The following CMTR2 variants were observed in gnomAD, a reference collection of about 807,000 sequenced individuals.
CMTR2 encodes cap-specific mRNA (nucleoside-2'-O-)-methyltransferase 2.
A neutral mutation model predicts 49.8 loss-of-function variants in CMTR2; 40 were observed. The ratio of observed to expected loss-of-function variants is 0.80; its 90% CI spans 0.62 to 1.04. CMTR2 has a LOEUF of 1.04. Among genes scored for constraint, CMTR2 ranks in the 50% least tolerant of loss-of-function variants. CMTR2 has a pLI of 0.00. For missense variants in CMTR2, 907 were observed against 897.2 expected (o/e 1.01, Z -0.14); for synonymous variants, 326 against 315.8 (o/e 1.03, Z -0.34).
At chr16:71,286,086 G>C (rs2041721986) in intron 2 of CMTR2, 147 bp from the exon 3 acceptor site, 1 of 544,370 alleles carries the variant, frequency 1.8e-6, no homozygotes. Context: ...AAGTAATCTG[G>C]AATAATGAAA....
chr16:71,285,343 A>G lies in CMTR2; in HGVS notation c.578T>C (p.Ile193Thr). 6.2e-7 allele frequency: 1 copy of G among 1,614,148 alleles called. No individual in the cohort carries two copies. Among genetic ancestry groups the G allele is most frequent in the Non-Finnish European group, 8.5e-7 (1 of 1,179,990 alleles). Reference protein sequence around the residue: ...DLMMIMDDRLIANTLHWWYFG... With the variant: ...DLMMIMDDRLTANTLHWWYFG... ...GTACCACCAGTGCAAGGTATTTGCA[A>G]TAAGCCGGTCATCCATAATCATCAT... The change falls in exon 3 of 3, where the codon ATT becomes ACT. Residue 193 changes from isoleucine (I) to threonine (T), a missense_variant. Coordinates refer to ENST00000434935, the MANE Select transcript of CMTR2 (RefSeq NM_018348.6).
chr16:71,283,109 A>C lies in CMTR2; in HGVS notation c.*499T>G, dbSNP rs2041638685. ...AAATTCATAACTGATGTGTTAACGG[A>C]AATCAGTGTTGCTGAACAGTGATTT... On this transcript the variant is annotated 3_prime_UTR_variant, in exon 3 of 3. Coordinates refer to ENST00000434935, the MANE Select transcript of CMTR2 (RefSeq NM_018348.6). 6.5e-6 allele frequency: 1 copy of C among 153,276 alleles called. No individual in the cohort carries two copies. Among genetic ancestry groups the C allele is most frequent in the Non-Finnish European group, 1.5e-5 (1 of 68,594 alleles). The allele number at this position is 153,276 out of a possible 1,614,324, so 9.5% of individuals were successfully genotyped here. A position where few individuals can be genotyped will look rare whatever the true frequency, so the allele number is the denominator to read the frequency against.
chr16:71,285,239 T>C lies in CMTR2; in HGVS notation c.682A>G (p.Thr228Ala), dbSNP rs772778339. 1.3e-5 allele frequency: 21 copies of C among 1,613,730 alleles called. No individual in the cohort carries two copies. The highest frequency in any genetic ancestry group is 4.5e-5 in the East Asian group (2 of 44,902). The change falls in exon 3 of 3, where the codon ACT becomes GCT. Residue 228 changes from threonine to alanine, a missense_variant. By Grantham distance (58) the Thr-to-Ala change is moderately conservative. Coordinates refer to ENST00000434935, the MANE Select transcript of CMTR2 (RefSeq NM_018348.6). ...CCATCTGCAGTGACCAAGTGAACAG[T>C]AGCCATGCTGCTTATGAAATTCTGA... ...GLQNFISSMATVHLVTADGSF... is the reference protein window; with the variant it reads ...GLQNFISSMAAVHLVTADGSF...
In CMTR2 at chr16:71,285,374, C is replaced by G. The variant is rs770519394; in HGVS notation, c.547G>C (p.Asp183His). Residue 183 changes from aspartate to histidine, a missense_variant, in exon 3 of 3, where the codon GAC becomes CAC. Asp to His is a moderately conservative substitution (Grantham distance 81). Transcript: ENST00000434935. ...CGGTCATCCATAATCATCATGAGGTCGTCATTTGCTTCATGGTATGGATTC... is the reference window on the plus strand; with the variant it reads ...CGGTCATCCATAATCATCATGAGGTGGTCATTTGCTTCATGGTATGGATTC... ...TLNPYHEAND[D>H]LMMIMDDRLI... is the part of the protein sequence containing the mutation. The G allele has an allele frequency of 1.9e-6, 3 of 1,613,840 alleles. No individual in the cohort carries two copies.
Position 71,284,155 on chromosome 16 carries a change from C to G in CMTR2, c.1766G>C (p.Arg589Pro), listed in dbSNP as rs763851216. The change falls in exon 3 of 3, where the codon CGT (arginine) becomes CCT (proline). Residue 589 changes from arginine to proline, a missense_variant. By Grantham distance (103) the Arg-to-Pro change is moderately radical. Coordinates refer to ENST00000434935, the MANE Select transcript of CMTR2 (RefSeq NM_018348.6). ...KCLLVGFSTL[R>P]NIKMHIPLEV... The stretch of plus-strand genomic sequence containing the variant: ...CAACGGTATATGCATTTTGATATTA[C>G]GGAGAGTCGAAAAGCCCACCAGCAG... 52 of 1,613,752 alleles carry G rather than the reference C, an allele frequency of 3.2e-5. 2 individuals are homozygous for G. The South Asian group carries it at 5.2e-4, about 16-fold the overall frequency.
Position 71,285,325 on chromosome 16 carries a change from C to T in CMTR2, c.596G>A (p.Trp199Ter). ...DDRLIANTLH[W>*]WYFGPDNTGD... is the part of the protein sequence containing the mutation. ...AGTGTTATCTGGACCAAAGTACCAC[C>T]AGTGCAAGGTATTTGCAATAAGCCG... is the stretch of plus-strand genomic sequence containing the variant. The change falls in exon 3 of 3, where the codon TGG becomes TAG. Residue 199 changes from tryptophan to a stop codon, truncating the protein, a stop_gained. Coordinates refer to ENST00000434935, the MANE Select transcript of CMTR2 (RefSeq NM_018348.6). LOFTEE classifies it high-confidence loss of function. The T allele has an allele frequency of 6.2e-7, 1 of 1,614,056 alleles. No individual in the cohort carries two copies. The highest frequency in any genetic ancestry group is 2.2e-5 in the East Asian group (1 of 44,876).
intron 2 of CMTR2, chr16:71,286,969 G>A (rs1315629151): frequency 2.0e-5 from 3 of 152,092 alleles, no homozygotes; most frequent in African/African-American, 7.2e-5. Flanking sequence ...GAGGAAAAAG[G>A]ATATGAGAAG....
rs1447103977 is a variant in CMTR2, at chr16:71,289,137, T to G, written c.-81A>C. On this transcript the variant is annotated splice_region_variant and 5_prime_UTR_variant, in exon 1 of 3. Transcript: ENST00000434935. ...GAATCGTACCCAGGCCTGGATTACCTTCGCCCACGCCCACTGGGGCCCCAG... is the reference window on the plus strand; with the variant it reads ...GAATCGTACCCAGGCCTGGATTACCGTCGCCCACGCCCACTGGGGCCCCAG... The G allele has an allele frequency of 2.6e-5, 4 of 152,388 alleles. No individual in the cohort carries two copies. Among genetic ancestry groups the G allele is most frequent in the Admixed American group, 6.5e-5 (1 of 15,302 alleles). 9.4% of individuals were successfully genotyped at this position (152,388 alleles called of 1,614,324 possible). A position where few individuals can be genotyped will look rare whatever the true frequency, so the allele number is the denominator to read the frequency against.
At position 71,285,721 on chromosome 16, in the gene CMTR2, T is replaced by G; in HGVS notation, c.200A>C (p.Lys67Thr). 1 of 1,613,574 alleles carries G rather than the reference T, an allele frequency of 6.2e-7. No homozygotes were observed. Among genetic ancestry groups the G allele is most frequent in the Non-Finnish European group, 8.5e-7 (1 of 1,179,770 alleles). Reference protein sequence around the residue: ...HTELNAFLDLKNSLNEVKNLL... With the variant: ...HTELNAFLDLTNSLNEVKNLL... ...GTTTTTTACTTCATTTAGGGAGTTCTTCAAATCAAGAAATGCATTAAGTTC... is the reference window on the plus strand; with the variant it reads ...GTTTTTTACTTCATTTAGGGAGTTCGTCAAATCAAGAAATGCATTAAGTTC... Residue 67 changes from lysine (K) to threonine (T), a missense_variant, in exon 3 of 3, where the codon AAG becomes ACG. Lys to Thr is a moderately conservative substitution (Grantham distance 78). Transcript: ENST00000434935.
Position 71,284,120 on chromosome 16 carries a change from G to A in CMTR2, c.1801C>T (p.Leu601Phe), listed in dbSNP as rs781487255. Residue 601 changes from leucine to phenylalanine, a missense_variant, in exon 3 of 3, where the codon CTC (leucine) becomes TTC (phenylalanine). Physicochemically the swap from Leu to Phe is conservative, Grantham distance 22. Coordinates refer to ENST00000434935, the MANE Select transcript of CMTR2 (RefSeq NM_018348.6). ...IKMHIPLEVR[L>F]LESAELTTFS... ...GTTGTGAGTTCAGCTGATTCTAGGAGTCGAACTTCCAACGGTATATGCATT... is the reference window on the plus strand; with the variant it reads ...GTTGTGAGTTCAGCTGATTCTAGGAATCGAACTTCCAACGGTATATGCATT... 6.2e-7 allele frequency: 1 copy of A among 1,614,058 alleles called. No homozygotes were observed. The highest frequency in any genetic ancestry group is 8.5e-7 in the Non-Finnish European group (1 of 1,179,926).
Position 71,284,296 on chromosome 16 carries a change from T to G in CMTR2, c.1625A>C (p.Gln542Pro), listed in dbSNP as rs759062095. The G allele has an allele frequency of 6.2e-7, 1 of 1,614,044 alleles. No homozygotes were observed. Among genetic ancestry groups the G allele is most frequent in the Non-Finnish European group, 8.5e-7 (1 of 1,179,982 alleles). Residue 542 changes from glutamine to proline, a missense_variant, in exon 3 of 3, where the codon CAG becomes CCG. By Grantham distance (76) the Gln-to-Pro change is moderately conservative. Transcript: ENST00000434935. The part of the protein sequence containing the change: ...NLDSKFRPKQ[Q>P]YSCSCHVFSE... ...AAAAACATGACAAGAACAAGAATAC[T>G]GCTGTTTTGGCCTAAACTTGGAATC...
rs754981044 is a variant in CMTR2 at position 71,284,835 on chromosome 16, T to G, written c.1086A>C (p.Glu362Asp). Residue 362 changes from glutamate (E) to aspartate (D), a missense_variant, in exon 3 of 3, where the codon GAA becomes GAC. Coordinates refer to ENST00000434935, the MANE Select transcript of CMTR2 (RefSeq NM_018348.6). ...IPDSFLKRHE[E>D]CCVFFHKYQL... ...GATATTTATGAAAGAACACACAACA[T>G]TCTTCATGTCTCTTAAGAAAAGAAT... The G allele has an allele frequency of 1.1e-5, 17 of 1,613,948 alleles. No homozygotes were observed. The highest frequency in any genetic ancestry group is 1.4e-5 in the Non-Finnish European group (17 of 1,179,960).
rs377064558 is a variant in CMTR2 at position 71,284,050 on chromosome 16, C to T, written c.1871G>A (p.Arg624His). 22 of 1,614,000 alleles carry T rather than the reference C, an allele frequency of 1.4e-5. No individual in the cohort carries two copies. In the East Asian group the frequency reaches 2.5e-4, roughly 18 times the overall value. ...LLHDGDPTYQRLFLDCLLHSL... is the reference protein window; with the variant it reads ...LLHDGDPTYQHLFLDCLLHSL... ...ATGTAGAAGGCAGTCCAAAAATAAA[C>T]GCTGGTAAGTTGGATCTCCATCATG... The change falls in exon 3 of 3, where the codon CGT (arginine) becomes CAT (histidine). Residue 624 changes from arginine (R) to histidine (H), a missense_variant. Transcript: ENST00000434935.
rs758223222 is a variant in CMTR2, at chr16:71,285,264, AAGTCC to A, written c.652_656del (p.Gly218SerfsTer20). On this transcript the variant is annotated frameshift_variant, in exon 3 of 3. Transcript: ENST00000434935. LOFTEE classifies it high-confidence loss of function. ...TAGCCATGCTGCTTATGAAATTCTG[AAGTCC>A]AGTCAAGAATTTCAGGGTCATGATA... 4 of 1,614,044 alleles carry A rather than the reference AAGTCC, an allele frequency of 2.5e-6. No individual in the cohort carries two copies. In the South Asian group the frequency reaches 4.4e-5, roughly 18 times the overall value.
In CMTR2 at chr16:71,284,992, T is replaced by C. The variant is rs762463025; in HGVS notation, c.929A>G (p.Asn310Ser). The change falls in exon 3 of 3, where the codon AAC becomes AGC. Residue 310 changes from asparagine (N) to serine (S), a missense_variant. Physicochemically the swap from Asn to Ser is conservative, Grantham distance 46 (BLOSUM62 1). Coordinates refer to ENST00000434935, the MANE Select transcript of CMTR2 (RefSeq NM_018348.6). ...GAGGCAAACCACATAGACTTCGGAG[T>C]TTCCTGCCTTGCTAGTAGCAGGTTT... ...VFKPATSKAG[N>S]SEVYVVCLHY... 6.2e-7 allele frequency: 1 copy of C among 1,613,966 alleles called. No individual in the cohort carries two copies. The highest frequency in any genetic ancestry group is 8.5e-7 in the Non-Finnish European group (1 of 1,179,956).
rs1400190136 is a variant in CMTR2 at position 71,283,884 on chromosome 16, G to A, written c.2037C>T (p.Pro679=). The stretch of plus-strand genomic sequence containing the variant: ...ATAGCAGGACTGCGCAGGTCCTCAG[G>A]GGATCAGAGGATGTGGGACAAACAA... ...ITFVCPTSSD[P]LRTCAVLLCV... The change falls in exon 3 of 3, where the codon CCC becomes CCT. Residue 679 remains proline, a synonymous_variant. Transcript: ENST00000434935. 6.2e-7 allele frequency: 1 copy of A among 1,612,882 alleles called. No individual in the cohort carries two copies. Among genetic ancestry groups the A allele is most frequent in the Non-Finnish European group, 8.5e-7 (1 of 1,179,032 alleles).
chr16:71,284,766 C>T lies in CMTR2; in HGVS notation c.1155G>A (p.Met385Ile), dbSNP rs752113567. Residue 385 changes from methionine (M) to isoleucine (I), a missense_variant, in exon 3 of 3, where the codon ATG becomes ATA. By Grantham distance (10) the Met-to-Ile change is conservative. Transcript: ENST00000434935. The stretch of plus-strand genomic sequence containing the variant: ...TCAGCTTTTCTTGTTCCGCCTTTCC[C>T]ATGCACTCAAATAGACGAATGTTTT... ...ISENIRLFEC[M>I]GKAEQEKLNN... 1 of 1,613,720 alleles carries T rather than the reference C, an allele frequency of 6.2e-7. No individual in the cohort carries two copies. The highest frequency in any genetic ancestry group is 8.5e-7 in the Non-Finnish European group (1 of 1,179,892).
Position 71,285,883 on chromosome 16 carries a change from G to C in CMTR2, c.38C>G (p.Ala13Gly). 3 of 1,606,730 alleles carry C rather than the reference G, an allele frequency of 1.9e-6. No individual in the cohort carries two copies. The highest frequency in any genetic ancestry group is 2.5e-6 in the Non-Finnish European group (3 of 1,177,106). The change falls in exon 3 of 3, where the codon GCA (alanine) becomes GGA (glycine). Residue 13 changes from alanine (A) to glycine (G), a missense_variant. Coordinates refer to ENST00000434935, the MANE Select transcript of CMTR2 (RefSeq NM_018348.6). ...KCRKTPVQQL[A>G]SPASFSPDIL... ...ATCTGGGCTGAATGACGCGGGACTT[G>C]CTAGCTGCTGAACTGGTGTCTTTCT...
Position 71,285,582 on chromosome 16 carries a change from T to C in CMTR2, c.339A>G (p.Gln113=), listed in dbSNP as rs1482481445. 1 of 1,614,146 alleles carries C rather than the reference T, an allele frequency of 6.2e-7. No homozygotes were observed. Among genetic ancestry groups the C allele is most frequent in the Non-Finnish European group, 8.5e-7 (1 of 1,180,000 alleles). The change falls in exon 3 of 3, where the codon CAA becomes CAG. Residue 113 remains glutamine, a synonymous_variant. Coordinates refer to ENST00000434935, the MANE Select transcript of CMTR2 (RefSeq NM_018348.6). The part of the protein sequence containing the change: ...RKSVNAELCT[Q]AWCKFHEILC... The stretch of plus-strand genomic sequence containing the variant: ...AAATCTCATGGAACTTACACCATGC[T>C]TGAGTACAAAGTTCAGCATTCACAG...
Sources: allele counts gnomAD v4.1 joint callset, GRCh38; gene constraint gnomAD v4.1.1; transcripts MANE v1.5; gene names NCBI Gene and HGNC (gene_info 2026-07-23, HGNC 2026-07-21).